The following PRMT9 variants were observed in gnomAD, a reference collection of about 807,000 sequenced individuals.
PRMT9 encodes the protein protein arginine methyltransferase 9.
PRMT9 carries 59 observed loss-of-function variants against 83.2 expected under a neutral mutation model. That is an observed-to-expected ratio of 0.71 (90% CI 0.57 to 0.88). The LOEUF (loss-of-function observed/expected upper bound fraction) is 0.88, where lower values mean the gene tolerates loss of function less well. PRMT9 is among the 40% of genes least tolerant of loss of function. PRMT9 has a pLI of 0.00. For missense variants in PRMT9, 947 were observed against 1,021.9 expected (o/e 0.93, Z 1.00); for synonymous variants, 333 against 353.2 (o/e 0.94, Z 0.64).
intron 2 of PRMT9, among the ~76,000 whole-genome samples, chr4:147,677,168 C>T (rs1480045412): frequency 6.6e-6 from 1 of 150,868 alleles, no homozygotes; most frequent in South Asian, 2.1e-4. Context: ...GTTTCCTAAA[C>T]AAGAATTCTC....
chr4:147,667,772 A>G (rs1250577903), intron 6 of PRMT9, among the ~76,000 whole-genome samples: 4 of 152,230 alleles, frequency 2.6e-5, no homozygotes, highest in Non-Finnish European at 5.9e-5. Context: ...ACTACAAATC[A>G]TTACAGTATT....
At chr4:147,671,561 T>C (rs1735733731) in intron 4 of PRMT9, among the ~76,000 whole-genome samples, 1 of 152,234 alleles carries the variant, frequency 6.6e-6, no homozygotes, top group South Asian at 2.1e-4. Flanking sequence ...TCCTTGAGGG[T>C]AAGAATGACT....
chr4:147,643,598 T>C (rs1733551136), intron 9 of PRMT9, among the ~76,000 whole-genome samples: 1 of 152,182 alleles, frequency 6.6e-6, no homozygotes, highest in Non-Finnish European at 1.5e-5. Flanking sequence ...AGTCTCCAAG[T>C]ATCACCCCCA....
intron 6 of PRMT9, 35 bp downstream of exon 6, chr4:147,668,503 CT>C: frequency 8.2e-7 from 1 of 1,215,834 alleles, no homozygotes; most frequent in Non-Finnish European, 1.2e-6. Context: ...TTGGGAGGTG[CT>C]TTATAGCAGT....
chr4:147,667,753 T>C (rs1028165291), intron 6 of PRMT9, among the ~76,000 whole-genome samples: 2 of 151,942 alleles, frequency 1.3e-5, no homozygotes, highest in African/African-American at 4.8e-5. Flanking sequence ...TAAAATTCCA[T>C]CCAGCCCAAC....
chr4:147,644,605 C>T (rs534833155), intron 9 of PRMT9, among the ~76,000 whole-genome samples: 21 of 148,618 alleles, frequency 1.4e-4, no homozygotes, highest in Non-Finnish European at 1.5e-4. Flanking sequence ...GAGAGAACTA[C>T]GAACAAAGGA....
At position 147,654,312 on chromosome 4, in the gene PRMT9, T is replaced by C; in HGVS notation, c.1585A>G (p.Asn529Asp). The C allele has an allele frequency of 6.2e-7, 1 of 1,614,226 alleles. No homozygotes were observed. Among genetic ancestry groups the C allele is most frequent in the Non-Finnish European group, 8.5e-7 (1 of 1,180,038 alleles). Residue 529 changes from asparagine (N) to aspartate (D), a missense_variant, in exon 9 of 12, where the codon AAC becomes GAC. Asn to Asp is a conservative substitution (Grantham distance 23). Coordinates refer to ENST00000322396, the MANE Select transcript of PRMT9 (RefSeq NM_138364.4). ...ILESTEIALL[N>D]NIPYHEGFKM... The stretch of plus-strand genomic sequence containing the variant: ...AAGCCTTCATGATATGGGATGTTGT[T>C]AAGCAAAGCAATTTCTGTAGATTCC...
intron 8 of PRMT9, among the ~76,000 whole-genome samples, chr4:147,656,759 G>C (rs537255278): frequency 3.7e-5 from 4 of 109,568 alleles, no homozygotes; most frequent in East Asian, 2.8e-4. Flanking sequence ...GCAACAGAGC[G>C]AGACTCTGTC....
At chr4:147,658,647 G>A (rs138283549) in intron 7 of PRMT9, among the ~76,000 whole-genome samples, 14 of 152,266 alleles carry the variant, frequency 9.2e-5, no homozygotes, top group African/African-American at 2.6e-4. Flanking sequence ...AGCTACAAAC[G>A]TGTTACTTGC....
At chr4:147,642,159 G>A (rs2357926) in intron 10 of PRMT9, among the ~76,000 whole-genome samples, 131,216 of 152,178 alleles carry the variant, frequency 0.86, 58,775 homozygotes, top group Non-Finnish European at 0.98. Flanking sequence ...GATCTTTTTT[G>A]GACAAAGACC....
intron 4 of PRMT9, chr4:147,672,079 T>A (rs1157207828): frequency 2.9e-6 from 1 of 344,610 alleles, no homozygotes; most frequent in Admixed American, 4.0e-5. Flanking sequence ...GCAGCCCAAG[T>A]GGAACAAGAC....
chr4:147,660,856 T>C lies in PRMT9; in HGVS notation c.1136A>G (p.Asn379Ser), dbSNP rs768979368. Residue 379 changes from asparagine (N) to serine (S), a missense_variant, in exon 7 of 12, where the codon AAC becomes AGC. By Grantham distance (46) the Asn-to-Ser change is conservative (BLOSUM62 1). Transcript: ENST00000322396. ...CTGAATTTTTTTCACCTGAAGGTTG[T>C]TGAAATCTACTGTCATAATTTCAAA... ...ECFEIMTVDFNNLQELKSLAT... is the reference protein window; with the variant it reads ...ECFEIMTVDFSNLQELKSLAT... 1.9e-6 allele frequency: 3 copies of C among 1,612,210 alleles called. No homozygotes were observed. Among genetic ancestry groups the C allele is most frequent in the South Asian group, 1.1e-5 (1 of 90,938 alleles).
At chr4:147,680,577 A>G (rs1297957171) in intron 1 of PRMT9, 106 bp from the exon 2 acceptor site, 1 of 911,988 alleles carries the variant, frequency 1.1e-6, no homozygotes, top group African/African-American at 1.7e-5. Context: ...TCACTATTGA[A>G]CAATCACCTT....
At chr4:147,678,658 T>G (rs1160599741) in intron 2 of PRMT9, among the ~76,000 whole-genome samples, 2 of 152,188 alleles carry the variant, frequency 1.3e-5, no homozygotes, top group African/African-American at 2.4e-5. Flanking sequence ...GCTGACCTGC[T>G]TTTCTTCTGG....
Position 147,638,607 on chromosome 4 carries a change from C to A in PRMT9, c.2463G>T (p.Gln821His). Residue 821 changes from glutamine (Q) to histidine (H), a missense_variant, in exon 12 of 12, where the codon CAG becomes CAT. By Grantham distance (24) the Gln-to-His change is conservative. Coordinates refer to ENST00000322396, the MANE Select transcript of PRMT9 (RefSeq NM_138364.4). ...QAAVVLDNPI[Q>H]VEMGEELVLS... is the part of the protein sequence containing the mutation. Reference sequence around the variant, plus strand: ...GTACAAGTTCCTCTCCCATTTCAACCTGGATGGGATTATCTAAAACAACTG... The same window carrying A: ...GTACAAGTTCCTCTCCCATTTCAACATGGATGGGATTATCTAAAACAACTG... The A allele has an allele frequency of 1.2e-6, 2 of 1,613,808 alleles. No individual in the cohort carries two copies. Among genetic ancestry groups the A allele is most frequent in the Non-Finnish European group, 1.7e-6 (2 of 1,179,752 alleles).
chr4:147,654,142 T>C lies in PRMT9; in HGVS notation c.1755A>G (p.Leu585=). 1 of 1,614,218 alleles carries C rather than the reference T, an allele frequency of 6.2e-7. No homozygotes were observed. Among genetic ancestry groups the C allele is most frequent in the East Asian group, 2.2e-5 (1 of 44,886 alleles). The stretch of plus-strand genomic sequence containing the variant: ...GAACAGAGAAGCCTTCGGACACATC[T>C]AACACGTAGAAAGGTTCAAGGATGT... ...VQNILEPFYV[L]DVSEGFSVLP... Residue 585 remains leucine (L), a synonymous_variant, in exon 9 of 12, where the codon TTA becomes TTG. Transcript: ENST00000322396.
intron 1 of PRMT9, 21 bp downstream of exon 1, chr4:147,683,778 G>C (rs1377371185): frequency 2.2e-6 from 3 of 1,345,154 alleles, no homozygotes; most frequent in South Asian, 2.3e-5. Context: ...CTGCCAGCAA[G>C]TGAGAAAAAA....
At chr4:147,643,589 G>A (rs1302671074) in intron 9 of PRMT9, among the ~76,000 whole-genome samples, 3 of 152,196 alleles carry the variant, frequency 2.0e-5, no homozygotes, top group Non-Finnish European at 4.4e-5. Flanking sequence ...TCCTTTTACA[G>A]TCTCCAAGTA....
chr4:147,669,501 A>G (rs1277940908), intron 5 of PRMT9, among the ~76,000 whole-genome samples: 2 of 152,210 alleles, frequency 1.3e-5, no homozygotes, highest in East Asian at 3.8e-4. Flanking sequence ...GTAAGTCTGC[A>G]TAGAAAAAAA....
Sources: allele counts gnomAD v4.1 joint callset (sites outside exome capture counted in the v4.1 genomes callset), GRCh38; gene constraint gnomAD v4.1.1; transcripts MANE v1.5; gene names NCBI Gene and HGNC (gene_info 2026-07-23, HGNC 2026-07-21).